VIPR1: variants seen among roughly 807,000 people sequenced by gnomAD.
The protein encoded by VIPR1 is vasoactive intestinal peptide receptor 1.
In VIPR1, 59 loss-of-function variants were observed where a neutral mutation model predicts 58.8. That is an observed-to-expected ratio of 1.00 (90% CI 0.81 to 1.25). The LOEUF is 1.25. Among genes scored for constraint, VIPR1 ranks in the 50% most tolerant of loss-of-function variants. The probability of loss-of-function intolerance (pLI) is 0.00; values close to 1 mark genes in which losing one functional copy is unlikely to be tolerated. For missense variants in VIPR1, 626 were observed against 602.7 expected (o/e 1.04, Z -0.40); for synonymous variants, 251 against 242.1 (o/e 1.04, Z -0.34).
At chr3:42,502,556 A>T, upstream of VIPR1, 1 of 407,486 alleles carries the variant, frequency 2.5e-6, no homozygotes, top group Non-Finnish European at 4.1e-6. Flanking sequence ...TCCATTGGCT[A>T]GATCCGCCGC....
chr3:42,531,576 C>T, intron 8 of VIPR1, 45 bp downstream of exon 8: 1 of 1,585,852 alleles, frequency 6.3e-7, no homozygotes. Flanking sequence ...ATCACTTGGG[C>T]AGGCCCCCTG....
intron 1 of VIPR1, among the ~76,000 whole-genome samples, chr3:42,495,346 C>T (rs1165797599): frequency 6.6e-6 from 1 of 152,146 alleles, no homozygotes. Context: ...TGGTTTCCAT[C>T]TCCTGACCTT....
chr3:42,536,772 AC>A lies in VIPR1; in HGVS notation c.*493del. 1 of 154,494 alleles carries A rather than the reference AC, an allele frequency of 6.5e-6. No individual in the cohort carries two copies. Among genetic ancestry groups the A allele is most frequent in the Non-Finnish European group, 1.4e-5 (1 of 69,618 alleles). 9.6% of individuals were successfully genotyped at this position (154,494 alleles called of 1,614,324 possible). ...GTCAAGTTCCTTTGGGTTAAGCATT[AC>A]CACTCAGGCATTTGACTGAAGATGC... On this transcript the variant is annotated 3_prime_UTR_variant, in exon 13 of 13. Transcript: ENST00000325123.
At chr3:42,531,627 A>T in intron 8 of VIPR1, 96 bp downstream of exon 8, 1 of 1,569,176 alleles carries the variant, frequency 6.4e-7, no homozygotes, top group Non-Finnish European at 8.7e-7. Context: ...GAGTGGACAA[A>T]AACCACAGCT....
intron 1 of VIPR1, among the ~76,000 whole-genome samples, chr3:42,505,816 A>G (rs1461064579): frequency 6.6e-6 from 1 of 152,186 alleles, no homozygotes; most frequent in Non-Finnish European, 1.5e-5. Context: ...GTTCCTCACC[A>G]CAAAAGGGAA....
At chr3:42,498,361 T>G (rs1475269441), upstream of VIPR1, among the ~76,000 whole-genome samples, 1 of 152,216 alleles carries the variant, frequency 6.6e-6, no homozygotes, top group Non-Finnish European at 1.5e-5. Flanking sequence ...CGTTATCAAA[T>G]TGGCAAAGAC....
intron 3 of VIPR1, among the ~76,000 whole-genome samples, chr3:42,522,412 T>C (rs1475517038): frequency 6.6e-6 from 1 of 152,122 alleles, no homozygotes; most frequent in African/African-American, 2.4e-5. Flanking sequence ...TGGCCTCTAC[T>C]TTCAAATATT....
chr3:42,519,446 G>A, intron 3 of VIPR1, 116 bp downstream of exon 3: 2 of 805,490 alleles, frequency 2.5e-6, no homozygotes, highest in Non-Finnish European at 3.7e-6. Context: ...GCAATCCGAG[G>A]GACTCCCTGG....
At chr3:42,500,964 G>A (rs1270408147), upstream of VIPR1, among the ~76,000 whole-genome samples, 4 of 152,182 alleles carry the variant, frequency 2.6e-5, no homozygotes, top group African/African-American at 9.7e-5. Context: ...AGGGGATGCT[G>A]CCCATCCACC....
chr3:42,510,921 A>C (rs1437381008), intron 1 of VIPR1, among the ~76,000 whole-genome samples: 1 of 152,054 alleles, frequency 6.6e-6, no homozygotes, highest in African/African-American at 2.4e-5. Context: ...GCTGCCAGAA[A>C]TCCTAGGCGC....
At chr3:42,518,600 G>A (rs542640016) in intron 2 of VIPR1, among the ~76,000 whole-genome samples, 36 of 152,296 alleles carry the variant, frequency 2.4e-4, no homozygotes, top group Middle Eastern at 6.8e-3. Flanking sequence ...TTAGCCGGGC[G>A]TGGCGGCATG....
At chr3:42,514,160 G>A (rs1057100874) in intron 2 of VIPR1, among the ~76,000 whole-genome samples, 4 of 151,592 alleles carry the variant, frequency 2.6e-5, no homozygotes, top group African/African-American at 7.3e-5. Context: ...TCTCCATGGC[G>A]GCCAGCCCAC....
At chr3:42,534,137 A>G (rs1332979711) in intron 10 of VIPR1, 1 of 152,284 alleles carries the variant, frequency 6.6e-6, no homozygotes, top group East Asian at 1.9e-4. Context: ...CGCTGGGAGT[A>G]TATGCACTGG....
intron 4 of VIPR1, 71 bp downstream of exon 4, chr3:42,526,064 A>G: frequency 7.1e-7 from 1 of 1,412,630 alleles, no homozygotes; most frequent in Non-Finnish European, 9.8e-7. Flanking sequence ...GATCTCTCCC[A>G]CCGAGGGGTG....
chr3:42,531,832 G>C lies in VIPR1; in HGVS notation c.881G>C (p.Trp294Ser), dbSNP rs144643654. 5 of 1,613,966 alleles carry C rather than the reference G, an allele frequency of 3.1e-6. No individual in the cohort carries two copies. In the African/African-American group the frequency reaches 6.7e-5, roughly 22 times the overall value. The part of the protein sequence containing the change: ...GCWDTINSSL[W>S]WIIKGPILTS... ...TGGGACACCATCAACTCCTCACTGT[G>C]GTGGATCATAAAGGGCCCCATCCTC... The change falls in exon 9 of 13, where the codon TGG becomes TCG. Residue 294 changes from tryptophan to serine, a missense_variant. Transcript: ENST00000325123.
At chr3:42,499,813 G>A (rs1042795595), upstream of VIPR1, among the ~76,000 whole-genome samples, 20 of 152,222 alleles carry the variant, frequency 1.3e-4, no homozygotes, top group African/African-American at 4.1e-4. Context: ...CAGATCAACT[G>A]GGTGCACAAA....
chr3:42,531,856 T>A lies in VIPR1; in HGVS notation c.905T>A (p.Leu302His). 1 of 1,614,092 alleles carries A rather than the reference T, an allele frequency of 6.2e-7. No individual in the cohort carries two copies. ...SLWWIIKGPI[L>H]TSILVNFILF... ...TGGTGGATCATAAAGGGCCCCATCC[T>A]CACCTCCATCTTGGTAAGATACCCT... The change falls in exon 9 of 13, where the codon CTC becomes CAC. Residue 302 changes from leucine to histidine, a missense_variant. Physicochemically the swap from Leu to His is moderately conservative, Grantham distance 99. Coordinates refer to ENST00000325123, the MANE Select transcript of VIPR1 (RefSeq NM_004624.4).
intron 1 of VIPR1, among the ~76,000 whole-genome samples, chr3:42,512,544 A>G (rs1700407664): frequency 6.6e-6 from 1 of 152,106 alleles, no homozygotes; most frequent in African/African-American, 2.4e-5. Context: ...TGTTCTTCCC[A>G]CGGACCCACT....
At chr3:42,535,205 A>G (rs933622814) in intron 11 of VIPR1, 101 bp downstream of exon 11, 1 of 1,600,950 alleles carries the variant, frequency 6.2e-7, no homozygotes. Flanking sequence ...TTTTACTGTA[A>G]TAAGTATTAG....
Sources: gnomAD v4.1 joint callset for allele counts (sites outside exome capture counted in the v4.1 genomes callset) on GRCh38, gnomAD v4.1.1 for gene constraint, MANE v1.5 for transcripts, NCBI Gene and HGNC (gene_info 2026-07-23, HGNC 2026-07-21) for gene names.